Variants in ZNF385B observed in about 807,000 individuals in gnomAD.
ZNF385B encodes zinc finger protein 533.
Under a neutral mutation model 39.2 loss-of-function variants are expected in ZNF385B, and 23 were observed. That is an observed-to-expected ratio of 0.59 (90% CI 0.42 to 0.83). ZNF385B has a LOEUF of 0.83. Ranked by LOEUF, ZNF385B falls within the 40% of genes least tolerant of loss-of-function variation. The probability of loss-of-function intolerance (pLI) is 0.00; values close to 1 mark genes in which losing one functional copy is unlikely to be tolerated. For missense variants in ZNF385B, 552 were observed against 598.9 expected, an observed-to-expected ratio of 0.92 and a Z score of 0.82; for synonymous variants, 205 against 222.6, an observed-to-expected ratio of 0.92 and a Z score of 0.70.
At chr2:179,571,817 C>T (rs1302664748) in intron 3 of ZNF385B, among the ~76,000 whole-genome samples, 3 of 152,044 alleles carry the variant, frequency 2.0e-5, no homozygotes, top group Admixed American at 1.3e-4. Context: ...ACACAACCCT[C>T]CTCTGGCCAT....
At chr2:179,465,323 A>G (rs971527417) in intron 6 of ZNF385B, among the ~76,000 whole-genome samples, 4 of 152,100 alleles carry the variant, frequency 2.6e-5, no homozygotes, top group African/African-American at 9.7e-5. Flanking sequence ...CAATTCAATG[A>G]CTTCCTCTAC....
intron 1 of ZNF385B, among the ~76,000 whole-genome samples, chr2:179,773,062 C>G (rs1575464202): frequency 6.6e-6 from 1 of 152,140 alleles, no homozygotes. Flanking sequence ...GGAATTTCCA[C>G]AGGAGTGATT....
Position 179,670,148 on chromosome 2 carries a change from C to T in ZNF385B, c.298+99355G>A, listed in dbSNP as rs796086409. ...CTACTAAAAATACAAAAAAATTAGC[C>T]GGGCGTGATGGCGGGCGCCTGTAGT... On this transcript the variant is annotated intron_variant, in intron 3 of 9. Coordinates refer to ENST00000410066, the MANE Select transcript of ZNF385B (RefSeq NM_152520.6). Among the ~76,000 whole-genome samples the T allele has an allele frequency of 4.6e-5, 7 of 151,952 alleles. No homozygotes were observed. The South Asian group carries it at 6.3e-4, about 14-fold the overall frequency.
At chr2:179,740,688 G>A (rs1038499547) in intron 3 of ZNF385B, among the ~76,000 whole-genome samples, 1 of 152,076 alleles carries the variant, frequency 6.6e-6, no homozygotes, top group African/African-American at 2.4e-5. Context: ...TGCCAACATG[G>A]GGACGGGAGT....
chr2:179,734,886 T>C (rs1490807115), intron 3 of ZNF385B, among the ~76,000 whole-genome samples: 1 of 152,122 alleles, frequency 6.6e-6, no homozygotes, highest in Non-Finnish European at 1.5e-5. Context: ...CAATTCAAGA[T>C]GGATTAAAGA....
At position 179,564,304 on chromosome 2, in the gene ZNF385B, C is replaced by G. The variant is rs550560522; in HGVS notation, c.299-19335G>C. Among the ~76,000 whole-genome samples the G allele has an allele frequency of 8.7e-4, 133 of 152,090 alleles. 1 individual carries two copies. The highest frequency in any genetic ancestry group is 1.7e-3 in the Non-Finnish European group (114 of 68,014). On this transcript the variant is annotated intron_variant, in intron 3 of 9. Transcript: ENST00000410066. The stretch of plus-strand genomic sequence containing the variant: ...AACACTTAAGCCTCTACGGGGAAAA[C>G]TACAGGAGAGACAGAGGCTCCACAG...
At chr2:179,746,231 TG>T (rs1702374469) in intron 3 of ZNF385B, among the ~76,000 whole-genome samples, 2 of 152,164 alleles carry the variant, frequency 1.3e-5, no homozygotes, top group Admixed American at 1.3e-4. Context: ...ATTGTGTAAA[TG>T]TTAAAAATAG....
intron 3 of ZNF385B, among the ~76,000 whole-genome samples, chr2:179,547,804 T>C (rs2060327379): frequency 6.7e-6 from 1 of 149,544 alleles, no homozygotes; most frequent in Admixed American, 6.6e-5. Context: ...GTAGATTGCT[T>C]TGGGTAGTAT....
At position 179,544,923 on chromosome 2, in the gene ZNF385B, A is replaced by G. The variant is rs1176709218; in HGVS notation, c.345T>C (p.Pro115=). 1.9e-6 allele frequency: 3 copies of G among 1,614,008 alleles called. No homozygotes were observed. Among genetic ancestry groups the G allele is most frequent in the Non-Finnish European group, 1.7e-6 (2 of 1,179,970 alleles). The change falls in exon 4 of 10, where the codon CCT becomes CCC. Residue 115 remains proline, a synonymous_variant. Coordinates refer to ENST00000410066, the MANE Select transcript of ZNF385B (RefSeq NM_152520.6). ...CCAGTGAAGGCTGCATCATCAGGGT[A>G]GGTGTGCGCACAAGAGCAGGAAGGG... ...TTTLPALVRT[P]TLMMQPSLDI...
intron 1 of ZNF385B, among the ~76,000 whole-genome samples, chr2:179,806,832 G>A (rs1457272199): frequency 6.6e-6 from 1 of 152,152 alleles, no homozygotes; most frequent in Non-Finnish European, 1.5e-5. Context: ...TATGATACAT[G>A]AAAAGATGCT....
intron 1 of ZNF385B, among the ~76,000 whole-genome samples, chr2:179,823,400 G>A (rs899711754): frequency 6.6e-6 from 1 of 152,096 alleles, no homozygotes; most frequent in Non-Finnish European, 1.5e-5. Flanking sequence ...AGGCCACAAA[G>A]CTGAGCTCAT....
At chr2:179,560,990 C>A (rs1400152822) in intron 3 of ZNF385B, among the ~76,000 whole-genome samples, 1 of 152,152 alleles carries the variant, frequency 6.6e-6, no homozygotes, top group Non-Finnish European at 1.5e-5. Flanking sequence ...ATGTGAAGGA[C>A]AGGGACAAGT....
chr2:179,449,790 C>T (rs2049897450), intron 6 of ZNF385B, among the ~76,000 whole-genome samples: 1 of 152,128 alleles, frequency 6.6e-6, no homozygotes, highest in Non-Finnish European at 1.5e-5. Flanking sequence ...GCCCGCATCG[C>T]CAAGTCAATC....
chr2:179,627,715 C>A (rs1042865673), intron 3 of ZNF385B, among the ~76,000 whole-genome samples: 2 of 152,214 alleles, frequency 1.3e-5, no homozygotes, highest in Middle Eastern at 3.4e-3. Flanking sequence ...GGGCTTTTTT[C>A]TTCAGAGAGC....
At chr2:179,523,217 T>C (rs2058631612) in intron 4 of ZNF385B, among the ~76,000 whole-genome samples, 1 of 152,150 alleles carries the variant, frequency 6.6e-6, no homozygotes. Flanking sequence ...AATTAACAAT[T>C]ATACTGTAGT....
chr2:179,598,642 G>A (rs1371811815), intron 3 of ZNF385B, among the ~76,000 whole-genome samples: 2 of 152,004 alleles, frequency 1.3e-5, no homozygotes, highest in Non-Finnish European at 1.5e-5. Context: ...AAATATGCAC[G>A]ATACACCAAA....
At chr2:179,512,050 G>T (rs976023971) in intron 5 of ZNF385B, among the ~76,000 whole-genome samples, 2 of 152,058 alleles carry the variant, frequency 1.3e-5, no homozygotes, top group Non-Finnish European at 2.9e-5. Context: ...AACATTTAGG[G>T]ACAATGTATC....
At chr2:179,657,402 C>T (rs1254144135) in intron 3 of ZNF385B, among the ~76,000 whole-genome samples, 1 of 152,202 alleles carries the variant, frequency 6.6e-6, no homozygotes, top group Admixed American at 6.5e-5. Flanking sequence ...AAAGAAACTG[C>T]TCAAAACCGT....
chr2:179,643,988 A>G (rs1692493546), intron 3 of ZNF385B, among the ~76,000 whole-genome samples: 1 of 152,218 alleles, frequency 6.6e-6, no homozygotes, highest in East Asian at 1.9e-4. Flanking sequence ...AATCTGCTTA[A>G]TTTGATTCTC....
Sources: allele counts gnomAD v4.1 joint callset (sites outside exome capture counted in the v4.1 genomes callset), GRCh38; gene constraint gnomAD v4.1.1; transcripts MANE v1.5; gene names NCBI Gene and HGNC (gene_info 2026-07-23, HGNC 2026-07-21).